The following PDE1C variants were observed in gnomAD, a reference collection of about 807,000 sequenced individuals.
PDE1C encodes dual specificity calcium/calmodulin-dependent 3',5'-cyclic nucleotide phosphodiesterase 1C.
PDE1C carries 62 observed loss-of-function variants against 93.1 expected under a neutral mutation model. The ratio of observed to expected loss-of-function variants is 0.67; its 90% CI spans 0.54 to 0.82. The LOEUF (loss-of-function observed/expected upper bound fraction) is 0.82, where lower values mean the gene tolerates loss of function less well. PDE1C is among the 40% of genes least tolerant of loss of function. PDE1C has a pLI of 0.00. For missense variants in PDE1C, 742 were observed against 884.6 expected (o/e 0.84, Z 2.04); for synonymous variants, 325 against 310.1 (o/e 1.05, Z -0.50).
At chr7:32,367,801 G>C (rs1275120908) in intron 1 of PDE1C, among the ~76,000 whole-genome samples, 1 of 151,976 alleles carries the variant, frequency 6.6e-6, no homozygotes, top group Non-Finnish European at 1.5e-5. Flanking sequence ...AAATTAGCTG[G>C]GTGTGTTAGC....
intron 1 of PDE1C, among the ~76,000 whole-genome samples, chr7:32,056,783 TAA>T (rs1198118642): frequency 6.6e-6 from 1 of 152,046 alleles, no homozygotes; most frequent in Non-Finnish European, 1.5e-5. Flanking sequence ...TCATTGATTT[TAA>T]AAGTCACAAA....
chr7:32,032,519 T>C (rs1177524694), intron 2 of PDE1C, among the ~76,000 whole-genome samples: 2 of 152,180 alleles, frequency 1.3e-5, no homozygotes, highest in Non-Finnish European at 2.9e-5. Flanking sequence ...GGAACACTGA[T>C]TCCCAAAAGG....
chr7:31,848,246 A>G (rs1023827753), intron 8 of PDE1C, 150 bp from the exon 9 acceptor site: 2 of 682,478 alleles, frequency 2.9e-6, no homozygotes, highest in Non-Finnish European at 5.0e-6. Context: ...AGCTCAACTA[A>G]CACTACAAAT....
the PDE1C span, among the ~76,000 whole-genome samples, chr7:31,695,096 G>C: frequency 5.9e-5 from 9 of 152,146 alleles, no homozygotes; most frequent in Admixed American, 5.2e-4. Context: ...TCTCCAAAGA[G>C]AGCAAGTCTT....
At chr7:32,066,848 A>T (rs1194277387) in intron 1 of PDE1C, among the ~76,000 whole-genome samples, 1 of 152,240 alleles carries the variant, frequency 6.6e-6, no homozygotes, top group Non-Finnish European at 1.5e-5. Flanking sequence ...TTTATGGAAA[A>T]GGAAAAATGA....
At chr7:31,843,071 C>T (rs1792116821) in intron 9 of PDE1C, among the ~76,000 whole-genome samples, 1 of 151,696 alleles carries the variant, frequency 6.6e-6, no homozygotes, top group African/African-American at 2.4e-5. Context: ...AATTTAAATC[C>T]ATTAAGGTCA....
At chr7:31,932,531 GT>G (rs1160995594) in intron 2 of PDE1C, among the ~76,000 whole-genome samples, 1 of 152,188 alleles carries the variant, frequency 6.6e-6, no homozygotes, top group Non-Finnish European at 1.5e-5. Flanking sequence ...TCTCATACCA[GT>G]TAGAATGGTG....
At chr7:31,992,195 G>A (rs1784224945) in intron 2 of PDE1C, among the ~76,000 whole-genome samples, 1 of 152,236 alleles carries the variant, frequency 6.6e-6, no homozygotes, top group African/African-American at 2.4e-5. Flanking sequence ...CTGGGTATGA[G>A]CAAGCATAGG....
chr7:32,024,135 T>C (rs1021201947), intron 2 of PDE1C, among the ~76,000 whole-genome samples: 5 of 151,834 alleles, frequency 3.3e-5, no homozygotes, highest in Non-Finnish European at 5.9e-5. Context: ...CTCTCCTGAG[T>C]TGAACAATAT....
chr7:31,885,500 C>T (rs187353273), intron 2 of PDE1C, among the ~76,000 whole-genome samples: 24 of 152,308 alleles, frequency 1.6e-4, no homozygotes, highest in Admixed American at 3.3e-4. Context: ...TTCTTACCTG[C>T]AAGGCATATG....
chr7:32,022,719 T>C (rs1270739573), intron 2 of PDE1C, among the ~76,000 whole-genome samples: 1 of 152,014 alleles, frequency 6.6e-6, no homozygotes, highest in Admixed American at 6.6e-5. Flanking sequence ...GTTTCTATAA[T>C]TATTCCTATT....
intron 1 of PDE1C, among the ~76,000 whole-genome samples, chr7:32,272,183 G>A (rs1811013845): frequency 6.6e-6 from 1 of 152,192 alleles, no homozygotes; most frequent in Admixed American, 6.5e-5. Context: ...AAACTGCAAT[G>A]GGGCCCGCAG....
At chr7:31,771,155 C>A (rs967360729) in intron 17 of PDE1C, among the ~76,000 whole-genome samples, 1 of 152,168 alleles carries the variant, frequency 6.6e-6, no homozygotes, top group African/African-American at 2.4e-5. Flanking sequence ...CACCAAAAAT[C>A]AACTTCTTCT....
the PDE1C span, among the ~76,000 whole-genome samples, chr7:31,640,649 T>C: frequency 6.6e-6 from 1 of 152,186 alleles, no homozygotes; most frequent in East Asian, 1.9e-4. Flanking sequence ...AAACTTTTTT[T>C]TTTTTTTCCA....
chr7:32,308,401 C>T (rs1045380079), intron 1 of PDE1C, among the ~76,000 whole-genome samples: 1 of 152,252 alleles, frequency 6.6e-6, no homozygotes, highest in Non-Finnish European at 1.5e-5. Context: ...TCCCAGCACG[C>T]AGCTGGAGAT....
At chr7:32,376,006 A>G (rs1470286217) in intron 1 of PDE1C, among the ~76,000 whole-genome samples, 1 of 152,124 alleles carries the variant, frequency 6.6e-6, no homozygotes, top group East Asian at 1.9e-4. Flanking sequence ...AAAATAGAAA[A>G]ATTAGCCAAG....
In PDE1C at chr7:32,271,493, T is replaced by C. The variant is rs1368604069; in HGVS notation, c.85+27158A>G. On this transcript the variant is annotated intron_variant, in intron 1 of 18. Transcript: ENST00000396193. ...TATTTAACCCAGGAACACGATCATA[T>C]CCAAAATAGGAATAATGCTGTGAGT... is the stretch of plus-strand genomic sequence containing the variant. Among the ~76,000 whole-genome samples, 3 of 152,190 alleles carry C rather than the reference T, an allele frequency of 2.0e-5. No individual in the cohort carries two copies. The South Asian group carries it at 6.2e-4, about 32-fold the overall frequency.
At chr7:32,179,473 C>G (rs1444205364) in intron 2 of PDE1C, among the ~76,000 whole-genome samples, 1 of 152,008 alleles carries the variant, frequency 6.6e-6, no homozygotes, top group Admixed American at 6.6e-5. Flanking sequence ...GTTGGCCAGG[C>G]TGGTCTCAAA....
chr7:32,161,312 T>C (rs1050680893), intron 3 of PDE1C, among the ~76,000 whole-genome samples: 3 of 151,988 alleles, frequency 2.0e-5, no homozygotes, highest in Non-Finnish European at 4.4e-5. Flanking sequence ...GTTGTGGAGG[T>C]ATCCAAGAGA....
Sources: allele counts gnomAD v4.1 joint callset (sites outside exome capture counted in the v4.1 genomes callset), GRCh38; gene constraint gnomAD v4.1.1; transcripts MANE v1.5; gene names NCBI Gene and HGNC (gene_info 2026-07-23, HGNC 2026-07-21).